The following AGBL1 variants were observed in gnomAD, a reference collection of about 807,000 sequenced individuals.
AGBL1 encodes AGBL carboxypeptidase 1.
Under a neutral mutation model 118.9 loss-of-function variants are expected in AGBL1, and 130 were observed. The ratio of observed to expected loss-of-function variants is 1.09; its 90% CI spans 0.95 to 1.26. AGBL1 has a LOEUF of 1.26. AGBL1 is among the 50% of genes most tolerant of loss of function. AGBL1 has a pLI of 0.00. For synonymous variants in AGBL1, 555 were observed against 478.9 expected (o/e 1.16, Z -2.08); for missense variants, 1,584 against 1,298.1 (o/e 1.22, Z -3.38).
intron 22 of AGBL1, among the ~76,000 whole-genome samples, chr15:86,741,934 C>G (rs1452448): frequency 0.6 from 90,585 of 151,576 alleles, 27,366 homozygotes; most frequent in East Asian, 0.69. Context: ...TTCTCTATTC[C>G]TCTTCAGATC....
chr15:86,787,964 C>A (rs2078438181), intron 22 of AGBL1, among the ~76,000 whole-genome samples: 1 of 152,046 alleles, frequency 6.6e-6, no homozygotes, highest in Non-Finnish European at 1.5e-5. Context: ...AAATAAGTTC[C>A]ATGAAACTGT....
chr15:86,117,021 A>C (rs1188714387), intron 1 of AGBL1, among the ~76,000 whole-genome samples: 1 of 150,414 alleles, frequency 6.6e-6, no homozygotes, highest in Non-Finnish European at 1.5e-5. Context: ...AATGGTCATC[A>C]TCAAAGTCTT....
At chr15:86,728,538 C>T (rs1341672573) in intron 22 of AGBL1, among the ~76,000 whole-genome samples, 1 of 152,138 alleles carries the variant, frequency 6.6e-6, no homozygotes, top group Non-Finnish European at 1.5e-5. Flanking sequence ...CCTTTTTACT[C>T]AGAGCCTTGT....
At chr15:86,083,226 T>C (rs970230975) in intron 1 of AGBL1, 4 of 152,104 alleles carry the variant, frequency 2.6e-5, no homozygotes, top group African/African-American at 9.7e-5. Context: ...TTTGTCCTGC[T>C]CTCGTCTCTC....
intron 21 of AGBL1, among the ~76,000 whole-genome samples, chr15:86,638,432 G>A (rs577755199): frequency 1.4e-4 from 21 of 152,146 alleles, no homozygotes; most frequent in Non-Finnish European, 2.4e-4. Flanking sequence ...TGGGTGCCGC[G>A]TTCAGGCTGC....
intron 6 of AGBL1, among the ~76,000 whole-genome samples, chr15:86,242,974 G>A (rs1241753903): frequency 6.6e-6 from 1 of 152,148 alleles, no homozygotes; most frequent in Admixed American, 6.5e-5. Flanking sequence ...GGGATCTCCA[G>A]TGCCTTCACG....
In AGBL1 at chr15:86,397,637, C is replaced by T. The variant is rs1029561557; in HGVS notation, c.2555+91C>T. ...CAAGTAGGCGTGATTGGAGAGGCCT[C>T]GGTACTCTGTCGAGAATAAACTCTT... On this transcript the variant is annotated intron_variant, in intron 18 of 22. Coordinates refer to ENST00000614907, the MANE Select transcript of AGBL1 (RefSeq NM_001386094.1). 3.7e-4 allele frequency: 450 copies of T among 1,210,098 alleles called. 1 individual carries two copies. The highest frequency in any genetic ancestry group is 2.0e-4 in the Non-Finnish European group (173 of 861,248). 75.0% of individuals were successfully genotyped at this position (1,210,098 alleles called of 1,614,324 possible). A position where few individuals can be genotyped will look rare whatever the true frequency, so the allele number is the denominator to read the frequency against.
At chr15:86,341,063 A>C (rs1243757643) in intron 17 of AGBL1, among the ~76,000 whole-genome samples, 1 of 152,188 alleles carries the variant, frequency 6.6e-6, no homozygotes, top group Non-Finnish European at 1.5e-5. Context: ...GTGGGAGTCC[A>C]GGCTTCTCAC....
chr15:87,024,827 T>C (rs1482026808), intron 24 of AGBL1, among the ~76,000 whole-genome samples: 3 of 151,892 alleles, frequency 2.0e-5, no homozygotes, highest in African/African-American at 4.8e-5. Flanking sequence ...GGGTTTAGCA[T>C]AGGCAAGTCA....
chr15:86,256,642 A>T (rs1908787), intron 7 of AGBL1, among the ~76,000 whole-genome samples: 22,029 of 152,248 alleles, frequency 0.14, 1,781 homozygotes, highest in South Asian at 0.28. Context: ...AAAAGTGCAG[A>T]TTCTACATTA....
intron 22 of AGBL1, among the ~76,000 whole-genome samples, chr15:86,701,473 T>C (rs750754344): frequency 6.6e-6 from 1 of 152,124 alleles, no homozygotes; most frequent in Non-Finnish European, 1.5e-5. Context: ...CACAAAGATA[T>C]ACATCATCAG....
At chr15:86,752,065 G>A (rs1596448320) in intron 22 of AGBL1, among the ~76,000 whole-genome samples, 1 of 152,008 alleles carries the variant, frequency 6.6e-6, no homozygotes, top group Admixed American at 6.6e-5. Context: ...TTCACCTTAT[G>A]TCATTCTGTA....
intron 22 of AGBL1, among the ~76,000 whole-genome samples, chr15:86,715,727 T>C (rs995727888): frequency 2.0e-5 from 3 of 152,172 alleles, no homozygotes; most frequent in Admixed American, 6.5e-5. Context: ...GGAAAATGTA[T>C]AATTAATGAG....
At chr15:86,565,048 G>A (rs1378742076) in intron 21 of AGBL1, among the ~76,000 whole-genome samples, 2 of 152,168 alleles carry the variant, frequency 1.3e-5, no homozygotes, top group Non-Finnish European at 2.9e-5. Flanking sequence ...TGTTTTCGAG[G>A]TTTTTAGCTT....
At chr15:86,257,842 T>G in intron 8 of AGBL1, 122 bp from the exon 9 acceptor site, 1 of 894,872 alleles carries the variant, frequency 1.1e-6, no homozygotes, top group South Asian at 1.6e-5. Context: ...TATTGTGCAA[T>G]TAATATTGGG....
chr15:86,789,787 G>A (rs2078465376), intron 22 of AGBL1, among the ~76,000 whole-genome samples: 1 of 152,130 alleles, frequency 6.6e-6, no homozygotes, highest in African/African-American at 2.4e-5. Flanking sequence ...TGCTTCTGAT[G>A]ATAGGGAGCA....
intron 22 of AGBL1, among the ~76,000 whole-genome samples, chr15:86,738,878 C>T (rs1393766651): frequency 6.6e-6 from 1 of 152,112 alleles, no homozygotes; most frequent in Non-Finnish European, 1.5e-5. Context: ...GTGGCTCACG[C>T]CTGTAATCTC....
At chr15:86,574,497 C>A (rs2084054333) in intron 21 of AGBL1, among the ~76,000 whole-genome samples, 1 of 151,842 alleles carries the variant, frequency 6.6e-6, no homozygotes, top group Admixed American at 6.6e-5. Flanking sequence ...AACTGGGGAT[C>A]CAGGAGCTGA....
At chr15:86,223,228 C>G (rs936378702) in intron 5 of AGBL1, among the ~76,000 whole-genome samples, 2 of 152,106 alleles carry the variant, frequency 1.3e-5, no homozygotes, top group Non-Finnish European at 2.9e-5. Flanking sequence ...TTGTGAACTT[C>G]CTAAAACAAA....
Sources: gnomAD v4.1 joint callset for allele counts (sites outside exome capture counted in the v4.1 genomes callset) on GRCh38, gnomAD v4.1.1 for gene constraint, MANE v1.5 for transcripts, NCBI Gene and HGNC (gene_info 2026-07-23, HGNC 2026-07-21) for gene names.